Variants in SV2C observed in about 807,000 individuals in gnomAD.
SV2C encodes the protein synaptic vesicle glycoprotein 2C.
A neutral mutation model predicts 79.7 loss-of-function variants in SV2C; 49 were observed. The ratio of observed to expected loss-of-function variants is 0.61; its 90% confidence interval spans 0.49 to 0.78. The LOEUF is 0.78. Among genes scored for constraint, SV2C ranks in the 30% least tolerant of loss-of-function variants. The pLI is 0.00. For synonymous variants in SV2C, 334 were observed against 333.2 expected (o/e 1.00, Z -0.03); for missense variants, 833 against 912.9 (o/e 0.91, Z 1.13).
the SV2C span, among the ~76,000 whole-genome samples, chr5:76,002,172 A>G: frequency 2.3e-3 from 20 of 8,522 alleles, no homozygotes; most frequent in Admixed American, 4.9e-3. Context: ...TTGTGTGTGT[A>G]TATATATATA....
the SV2C span, among the ~76,000 whole-genome samples, chr5:75,903,370 T>G: frequency 0.026 from 4,004 of 151,118 alleles, 179 homozygotes; most frequent in African/African-American, 0.093. Context: ...AAAAGGTGTT[T>G]TTTTTTTTAA....
chr5:76,111,027 C>G (rs745565270), intron 1 of SV2C, among the ~76,000 whole-genome samples: 2 of 152,178 alleles, frequency 1.3e-5, no homozygotes, highest in Non-Finnish European at 2.9e-5. Flanking sequence ...TCAAGTGAGA[C>G]AAAACATGTT....
chr5:75,883,459 C>T, the SV2C span, among the ~76,000 whole-genome samples: 3 of 139,916 alleles, frequency 2.1e-5, no homozygotes, highest in African/African-American at 9.4e-5. Context: ...CAACGATAGA[C>T]TGGATTAAGA....
the SV2C span, among the ~76,000 whole-genome samples, chr5:75,985,289 G>A: frequency 6.6e-6 from 1 of 151,940 alleles, no homozygotes; most frequent in African/African-American, 2.4e-5. Flanking sequence ...ATCTATTCAT[G>A]AGGGATCTGC....
chr5:76,277,178 CA>C (rs1452121724), intron 4 of SV2C, among the ~76,000 whole-genome samples: 1 of 152,192 alleles, frequency 6.6e-6, no homozygotes, highest in Non-Finnish European at 1.5e-5. Flanking sequence ...AACCAGTGTG[CA>C]AAATGGTTTG....
Position 76,301,658 on chromosome 5 carries a change from C to T in SV2C, c.2000+113C>T, listed in dbSNP as rs1037281443. ...GCACGGTAGCTTATGCCTGTAATCC[C>T]AGTACTTTGGAAGGCCAAGGTGGGT... On this transcript the variant is annotated intron_variant, in intron 12 of 12. Transcript: ENST00000502798. 1.6e-5 allele frequency: 21 copies of T among 1,330,956 alleles called. No homozygotes were observed. The African/African-American group carries it at 2.9e-4, about 19-fold the overall frequency. The allele number at this position is 1,330,956 out of a possible 1,614,324, so 82.4% of individuals were successfully genotyped here. A position where few individuals can be genotyped will look rare whatever the true frequency, so the allele number is the denominator to read the frequency against.
chr5:76,173,616 T>C, intron 2 of SV2C: 1 of 1,605,686 alleles, frequency 6.2e-7, no homozygotes, highest in Non-Finnish European at 8.5e-7. Context: ...AGAGCTACAA[T>C]GCATTTAGTA....
intron 4 of SV2C, among the ~76,000 whole-genome samples, chr5:76,264,670 T>C (rs1746587514): frequency 6.6e-6 from 1 of 152,194 alleles, no homozygotes. Flanking sequence ...GTTTGTTAGT[T>C]TTTCTCCTAA....
the SV2C span, among the ~76,000 whole-genome samples, chr5:76,068,795 G>A: frequency 0.047 from 7,123 of 152,128 alleles, 541 homozygotes; most frequent in African/African-American, 0.16. Flanking sequence ...AATTTTTACT[G>A]ATACCGAGAG....
chr5:76,178,800 A>G (rs188546509), intron 2 of SV2C, among the ~76,000 whole-genome samples: 146 of 152,326 alleles, frequency 9.6e-4, no homozygotes, highest in African/African-American at 3.3e-3. Context: ...TCTTCTAGAC[A>G]AAAGGTCTCA....
At chr5:75,850,552 G>A in the SV2C span, among the ~76,000 whole-genome samples, 35 of 152,030 alleles carry the variant, frequency 2.3e-4, no homozygotes, top group African/African-American at 8.4e-4. Flanking sequence ...TCATAGGTAG[G>A]TAGTGACTAT....
At chr5:76,267,587 A>G (rs1486723497) in intron 4 of SV2C, among the ~76,000 whole-genome samples, 1 of 152,258 alleles carries the variant, frequency 6.6e-6, no homozygotes, top group Non-Finnish European at 1.5e-5. Context: ...TTAGCAGAGT[A>G]TATATTATAA....
At chr5:76,146,051 A>G (rs10051982) in intron 2 of SV2C, among the ~76,000 whole-genome samples, 134,478 of 152,218 alleles carry the variant, frequency 0.88, 59,546 homozygotes, top group South Asian at 0.92. Context: ...TCCACTCCAC[A>G]TGAAAAGCAA....
chr5:76,245,936 A>ATGTGTGTGTGTG (rs60767964), intron 4 of SV2C, among the ~76,000 whole-genome samples: 47 of 129,150 alleles, frequency 3.6e-4, no homozygotes, highest in African/African-American at 1.0e-3. Flanking sequence ...GTGTGTGTGT[A>ATGTGTGTGTGTG]TGTGTGTGTG....
At chr5:75,898,223 A>G in the SV2C span, among the ~76,000 whole-genome samples, 4 of 152,152 alleles carry the variant, frequency 2.6e-5, no homozygotes, top group Non-Finnish European at 5.9e-5. Flanking sequence ...AATAGCCCTT[A>G]TTATTTTGAG....
intron 9 of SV2C, among the ~76,000 whole-genome samples, chr5:76,297,357 G>A (rs1747809912): frequency 6.6e-6 from 1 of 152,176 alleles, no homozygotes; most frequent in African/African-American, 2.4e-5. Flanking sequence ...GAATGCTCCT[G>A]GAGGAGCACA....
In SV2C at chr5:76,131,790, G is replaced by A; in HGVS notation, c.40G>A (p.Gly14Ser). The A allele has an allele frequency of 6.2e-7, 1 of 1,613,676 alleles. No homozygotes were observed. The highest frequency in any genetic ancestry group is 8.5e-7 in the Non-Finnish European group (1 of 1,179,850). Residue 14 changes from glycine (G) to serine (S), a missense_variant, in exon 2 of 13, where the codon GGT becomes AGT. By Grantham distance (56) the Gly-to-Ser change is moderately conservative (BLOSUM62 0). Coordinates refer to ENST00000502798, the MANE Select transcript of SV2C (RefSeq NM_014979.4). The part of the protein sequence containing the change: ...SYKDRTSLMK[G>S]AKDIAREVKK... ...CAAGGATAGGACTTCACTGATGAAG[G>A]GTGCCAAGGACATTGCCAGAGAGGT...
chr5:76,146,506 T>C (rs7709175), intron 2 of SV2C, among the ~76,000 whole-genome samples: 59,728 of 151,890 alleles, frequency 0.39, 12,456 homozygotes, highest in Middle Eastern at 0.5. Flanking sequence ...GCAGTGAGGA[T>C]GACCTGAGGT....
At chr5:76,311,828 C>T (rs971243565) in intron 12 of SV2C, among the ~76,000 whole-genome samples, 2 of 152,204 alleles carry the variant, frequency 1.3e-5, no homozygotes, top group African/African-American at 4.8e-5. Context: ...CAGTCCCTGC[C>T]ACCAGCAAAA....
Sources: gnomAD v4.1 joint callset for allele counts (sites outside exome capture counted in the v4.1 genomes callset) on GRCh38, gnomAD v4.1.1 for gene constraint, MANE v1.5 for transcripts, NCBI Gene and HGNC (gene_info 2026-07-23, HGNC 2026-07-21) for gene names.